ARMC2: variants seen among roughly 807,000 people sequenced by gnomAD.
ARMC2 encodes armadillo repeat containing 2, also known as armadillo repeat-containing protein 2.
Under a neutral mutation model 90.3 loss-of-function variants are expected in ARMC2, and 67 were observed. The ratio of observed to expected loss-of-function variants is 0.74; its 90% CI spans 0.61 to 0.91. ARMC2 has a LOEUF of 0.91. Ranked by LOEUF, ARMC2 falls within the 40% of genes least tolerant of loss-of-function variation. The probability of loss-of-function intolerance (pLI) is 0.00; values close to 1 mark genes in which losing one functional copy is unlikely to be tolerated. For missense variants in ARMC2, 920 were observed against 1,030.9 expected, an observed-to-expected ratio of 0.89 and a Z score of 1.47; for synonymous variants, 393 against 393.0, an observed-to-expected ratio of 1.00 and a Z score of 0.00.
rs1392462040 is a variant in ARMC2 at position 108,974,187 on chromosome 6, G to T, written c.*673G>T. The T allele has an allele frequency of 6.6e-6, 1 of 152,236 alleles. No individual in the cohort carries two copies. The highest frequency in any genetic ancestry group is 1.5e-5 in the Non-Finnish European group (1 of 68,044). 9.4% of individuals were successfully genotyped at this position (152,236 alleles called of 1,614,324 possible). ...GACAGGTGAGGTAATGTATTAGAAA[G>T]AATGCAGGCTTAGGTGAATGGTATA... On this transcript the variant is annotated 3_prime_UTR_variant, in exon 18 of 18. Transcript: ENST00000392644.
In ARMC2 at chr6:108,964,180, T is replaced by C. The variant is rs1778197688; in HGVS notation, c.2153T>C (p.Val718Ala). The C allele has an allele frequency of 1.2e-6, 2 of 1,612,708 alleles. No homozygotes were observed. The highest frequency in any genetic ancestry group is 1.7e-6 in the Non-Finnish European group (2 of 1,179,524). Residue 718 changes from valine to alanine, a missense_variant and splice_region_variant, in exon 16 of 18, where the codon GTC becomes GCC. Transcript: ENST00000392644. ...CTGCATTTGCTCTCTTCCCTCGTAG[T>C]CCACAGGTTCATGATGGCGCTGCTG... ...DVCDFIVQNN[V>A]HRFMMALLDA...
chr6:109,025,540 A>G, the ARMC2 span, among the ~76,000 whole-genome samples: 1 of 150,468 alleles, frequency 6.6e-6, no homozygotes, highest in Admixed American at 6.7e-5. Context: ...AATCATCTGC[A>G]AAGACTTTGG....
intron 5 of ARMC2, among the ~76,000 whole-genome samples, chr6:108,885,126 T>A (rs1777956071): frequency 6.6e-6 from 1 of 152,122 alleles, no homozygotes; most frequent in African/African-American, 2.4e-5. Flanking sequence ...TTAACTAAGT[T>A]AAGCTAACAT....
At chr6:108,862,873 G>GCAGC (rs1443591350) in intron 3 of ARMC2, among the ~76,000 whole-genome samples, 1 of 152,208 alleles carries the variant, frequency 6.6e-6, no homozygotes, top group Non-Finnish European at 1.5e-5. Context: ...GACTCAGACA[G>GCAGC]CAGCCTTTCA....
chr6:109,011,311 G>A, the ARMC2 span, among the ~76,000 whole-genome samples: 1 of 152,154 alleles, frequency 6.6e-6, no homozygotes, highest in East Asian at 1.9e-4. Context: ...AATTGTATAG[G>A]AAGCTCCAAT....
intron 13 of ARMC2, among the ~76,000 whole-genome samples, chr6:108,958,448 G>A (rs1041710870): frequency 6.6e-6 from 1 of 152,154 alleles, no homozygotes; most frequent in Non-Finnish European, 1.5e-5. Context: ...AAATGCTTAG[G>A]AGCTGTGAGT....
the ARMC2 span, among the ~76,000 whole-genome samples, chr6:109,041,038 T>G: frequency 6.6e-6 from 1 of 151,728 alleles, no homozygotes; most frequent in Non-Finnish European, 1.5e-5. Context: ...CAGTGGCTCA[T>G]GCCCATAATC....
intron 11 of ARMC2, among the ~76,000 whole-genome samples, chr6:108,935,128 T>A (rs1037598220): frequency 6.6e-6 from 1 of 152,194 alleles, no homozygotes; most frequent in South Asian, 2.1e-4. Flanking sequence ...TGCCTCTTCA[T>A]TGTTAATATT....
At chr6:108,928,959 G>T (rs1775314233) in intron 11 of ARMC2, among the ~76,000 whole-genome samples, 1 of 152,148 alleles carries the variant, frequency 6.6e-6, no homozygotes, top group Non-Finnish European at 1.5e-5. Flanking sequence ...GTATAAGGAT[G>T]TGAGTCCAAA....
At position 108,894,487 on chromosome 6, in the gene ARMC2, C is replaced by A. The variant is rs200206972; in HGVS notation, c.692C>A (p.Ala231Glu). ...KNGGDQGKRHARASSCPSSSD... is the reference protein window; with the variant it reads ...KNGGDQGKRHERASSCPSSSD... ...CCTAGGGACCAGGGGAAGAGACATG[C>A]GAGGGCCTCATCATGCCCCAGTAGC... The change falls in exon 6 of 18, where the codon GCG becomes GAG. Residue 231 changes from alanine to glutamate, a missense_variant. Ala to Glu is a moderately radical substitution (Grantham distance 107, BLOSUM62 -1). Transcript: ENST00000392644. 4.3e-6 allele frequency: 7 copies of A among 1,611,052 alleles called. No homozygotes were observed. Among genetic ancestry groups the A allele is most frequent in the East Asian group, 2.2e-5 (1 of 44,624 alleles).
At chr6:108,912,646 C>T (rs1462966347) in intron 10 of ARMC2, 88 bp downstream of exon 10, 1 of 1,229,394 alleles carries the variant, frequency 8.1e-7, no homozygotes. Flanking sequence ...ATGCAAGAGG[C>T]CCCTACAGCC....
At chr6:108,920,930 G>A (rs1025782413) in intron 10 of ARMC2, among the ~76,000 whole-genome samples, 1 of 152,108 alleles carries the variant, frequency 6.6e-6, no homozygotes, top group African/African-American at 2.4e-5. Context: ...GGCCAGGAGT[G>A]TTATGCTAAA....
At chr6:109,044,311 C>CAAAAAAAAAAA in the ARMC2 span, among the ~76,000 whole-genome samples, 5 of 28,458 alleles carry the variant, frequency 1.8e-4, no homozygotes, top group Non-Finnish European at 2.2e-4. Flanking sequence ...GAACTTGCCT[C>CAAAAAAAAAAA]AAAAAAAAAA....
intron 5 of ARMC2, among the ~76,000 whole-genome samples, chr6:108,884,181 G>C (rs1181893917): frequency 6.6e-6 from 1 of 152,144 alleles, no homozygotes; most frequent in Non-Finnish European, 1.5e-5. Flanking sequence ...AATGCCCTGT[G>C]CTGAGGGGTT....
In ARMC2 at chr6:108,904,287, A is replaced by C; in HGVS notation, c.905A>C (p.Glu302Ala). The C allele has an allele frequency of 6.2e-7, 1 of 1,613,912 alleles. No individual in the cohort carries two copies. Among genetic ancestry groups the C allele is most frequent in the South Asian group, 1.1e-5 (1 of 91,082 alleles). Residue 302 changes from glutamate to alanine, a missense_variant, in exon 8 of 18, where the codon GAA (glutamate) becomes GCA (alanine). Physicochemically the swap from Glu to Ala is moderately radical, Grantham distance 107 (BLOSUM62 -1). Transcript: ENST00000392644. ...ACTQLHHALE[E>A]GNMLGNKFKG... ...ACACAACTTCATCATGCTTTAGAGGAAGGAAACATGCTTGGAAATAAATTT... is the reference window on the plus strand; with the variant it reads ...ACACAACTTCATCATGCTTTAGAGGCAGGAAACATGCTTGGAAATAAATTT...
intron 12 of ARMC2, 141 bp from the exon 13 acceptor site, chr6:108,952,892 A>C: frequency 1.2e-6 from 1 of 804,128 alleles, no homozygotes; most frequent in Non-Finnish European, 1.9e-6. Context: ...CTTGAGAATC[A>C]AATACTGTAC....
At chr6:108,883,502 C>T (rs1777789288) in intron 5 of ARMC2, among the ~76,000 whole-genome samples, 1 of 152,152 alleles carries the variant, frequency 6.6e-6, no homozygotes, top group South Asian at 2.1e-4. Flanking sequence ...TAACCAAAAC[C>T]AGTACTTGGG....
the ARMC2 span, among the ~76,000 whole-genome samples, chr6:109,052,312 T>G: frequency 6.6e-6 from 1 of 152,188 alleles, no homozygotes; most frequent in Non-Finnish European, 1.5e-5. Flanking sequence ...AAGATAATTT[T>G]TGTTATTATA....
At chr6:108,948,216 T>C (rs1583192429) in intron 12 of ARMC2, among the ~76,000 whole-genome samples, 1 of 152,268 alleles carries the variant, frequency 6.6e-6, no homozygotes, top group Non-Finnish European at 1.5e-5. Context: ...AGGGAGGACC[T>C]TGGAGTGCAC....
Sources: allele counts gnomAD v4.1 joint callset (sites outside exome capture counted in the v4.1 genomes callset), GRCh38; gene constraint gnomAD v4.1.1; transcripts MANE v1.5; gene names NCBI Gene and HGNC (gene_info 2026-07-23, HGNC 2026-07-21).